ADAMTS2: variants seen among roughly 807,000 people sequenced by gnomAD.
ADAMTS2 encodes the protein ADAM metallopeptidase with thrombospondin type 1 motif 2.
Under a neutral mutation model 123.0 loss-of-function variants are expected in ADAMTS2, and 50 were observed. The observed-to-expected ratio is 0.41, with a 90% CI of 0.32 to 0.51. ADAMTS2 has a LOEUF of 0.51. Among genes scored for constraint, ADAMTS2 ranks in the 20% least tolerant of loss-of-function variants. The pLI is 0.35. For synonymous variants in ADAMTS2, 678 were observed against 695.4 expected, an observed-to-expected ratio of 0.98 and a Z score of 0.39; for missense variants, 1,494 against 1,705.2, an observed-to-expected ratio of 0.88 and a Z score of 2.18.
At chr5:179,320,604 C>T (rs1181304634) in intron 2 of ADAMTS2, among the ~76,000 whole-genome samples, 2 of 152,040 alleles carry the variant, frequency 1.3e-5, no homozygotes, top group Non-Finnish European at 2.9e-5. Flanking sequence ...AGGCATGAGC[C>T]ACTGTTCCTG....
At chr5:179,186,520 T>A (rs1253555825) in intron 4 of ADAMTS2, among the ~76,000 whole-genome samples, 1 of 152,130 alleles carries the variant, frequency 6.6e-6, no homozygotes, top group Non-Finnish European at 1.5e-5. Context: ...CTACCTGCTT[T>A]TCAGGAGGCT....
At chr5:179,144,113 AT>A (rs1763215940) in intron 10 of ADAMTS2, among the ~76,000 whole-genome samples, 1 of 152,222 alleles carries the variant, frequency 6.6e-6, no homozygotes, top group Non-Finnish European at 1.5e-5. Flanking sequence ...ATACAAAAAA[AT>A]CAACTGCATT....
intron 8 of ADAMTS2, 47 bp from the exon 9 acceptor site, chr5:179,153,670 C>CA: frequency 6.4e-7 from 1 of 1,571,824 alleles, no homozygotes; most frequent in Non-Finnish European, 8.6e-7. Flanking sequence ...CGCGGCTGAC[C>CA]ATCCACAGCC....
At chr5:179,210,525 A>G (rs1179991632) in intron 3 of ADAMTS2, among the ~76,000 whole-genome samples, 1 of 152,260 alleles carries the variant, frequency 6.6e-6, no homozygotes. Context: ...TATGTTCTAG[A>G]GCATCCCTCC....
At chr5:179,171,253 C>T (rs886398978) in intron 5 of ADAMTS2, among the ~76,000 whole-genome samples, 2 of 152,156 alleles carry the variant, frequency 1.3e-5, no homozygotes, top group Non-Finnish European at 2.9e-5. Context: ...TGGCCTCTCC[C>T]CTGGCCACCT....
In ADAMTS2 at chr5:179,170,266, G is replaced by GGGGGAGCGGCAGGT. The variant is rs1387915565; in HGVS notation, c.975+10792_975+10805dup. On this transcript the variant is annotated intron_variant, in intron 5 of 21. Transcript: ENST00000251582. The surrounding 1 kb of genome is among the most constrained non-coding windows in gnomAD (Gnocchi z 4.3). ...TGGTGAGGCCTGGGGGACAGGCAATGGGGGAGCGGCAGGTGGGGAGCTGGT... is the reference window on the plus strand; with the variant it reads ...TGGTGAGGCCTGGGGGACAGGCAATGGGGGAGCGGCAGGTGGGGAGCGGCAGGTGGGGAGCTGGT... Among the ~76,000 whole-genome samples the GGGGGAGCGGCAGGT allele has an allele frequency of 1.0e-3, 155 of 152,248 alleles. No individual in the cohort carries two copies. The highest frequency in any genetic ancestry group is 3.6e-3 in the African/African-American group (148 of 41,544).
At chr5:179,114,436 A>G (rs1762626014) in intron 21 of ADAMTS2, 112 bp from the exon 22 acceptor site, 19 of 1,087,916 alleles carry the variant, frequency 1.7e-5, no homozygotes, top group Non-Finnish European at 2.6e-5. Context: ...GAGACAGCAC[A>G]GAGGCAAGTG....
At position 179,162,706 on chromosome 5, in the gene ADAMTS2, G is replaced by A. The variant is rs563736858; in HGVS notation, c.976-3827C>T. Among the ~76,000 whole-genome samples, 1 of 152,354 alleles carries A rather than the reference G, an allele frequency of 6.6e-6. No homozygotes were observed. Among genetic ancestry groups the A allele is most frequent in the Non-Finnish European group, 1.5e-5 (1 of 68,036 alleles). On this transcript the variant is annotated intron_variant, in intron 5 of 21. Coordinates refer to ENST00000251582, the MANE Select transcript of ADAMTS2 (RefSeq NM_014244.5). The surrounding 1 kb of genome is among the most constrained non-coding windows in gnomAD (Gnocchi z 5.1). ...GAATCTCAGTCCCGCCTACCGCAGG[G>A]CATGGACATTAAGAGACTGGGTCAC...
chr5:179,268,872 G>C (rs1216974820), intron 3 of ADAMTS2, among the ~76,000 whole-genome samples: 1 of 152,222 alleles, frequency 6.6e-6, no homozygotes, highest in African/African-American at 2.4e-5. Flanking sequence ...AGCCTTGTAC[G>C]TGAGGGCCAT....
intron 3 of ADAMTS2, among the ~76,000 whole-genome samples, chr5:179,229,012 T>TACCTCCAGCTGTGCACCTCGGTCAGGC (rs1474721612): frequency 8.5e-5 from 13 of 152,056 alleles, no homozygotes; most frequent in African/African-American, 1.4e-4. Flanking sequence ...CCAGCAAAGC[T>TACCTCCAGCTGTGCACCTCGGTCAGGC]ACCTCCAGCT....
intron 6 of ADAMTS2, among the ~76,000 whole-genome samples, chr5:179,157,338 A>G (rs1473798711): frequency 1.3e-5 from 2 of 152,134 alleles, no homozygotes; most frequent in Non-Finnish European, 2.9e-5. Context: ...GCTCCCCATT[A>G]GTGCCCTCCC....
rs535998178 is a variant in ADAMTS2 at position 179,175,205 on chromosome 5, G to A, written c.975+5867C>T. On this transcript the variant is annotated intron_variant, in intron 5 of 21. Coordinates refer to ENST00000251582, the MANE Select transcript of ADAMTS2 (RefSeq NM_014244.5). This position sits in a 1 kb window ranked among gnomAD's most constrained non-coding sequence, Gnocchi z 4.1. ...TCTTGACCGTCCATGTTGCTTTGGA[G>A]GAAGTCTCTTCCTTGCTTGGGTTCC... Among the ~76,000 whole-genome samples the A allele has an allele frequency of 6.6e-6, 1 of 151,396 alleles. No homozygotes were observed. The highest frequency in any genetic ancestry group is 2.4e-5 in the African/African-American group (1 of 41,174).
chr5:179,294,792 T>C (rs1219209241), intron 2 of ADAMTS2, among the ~76,000 whole-genome samples: 1 of 152,238 alleles, frequency 6.6e-6, no homozygotes, highest in East Asian at 1.9e-4. Flanking sequence ...TGTCAACATT[T>C]TCCCTGAAAA....
rs1762901696 is a variant in ADAMTS2, at chr5:179,128,552, C to T, written c.2458-434G>A. 1.3e-5 allele frequency among the ~76,000 whole-genome samples: 2 copies of T among 152,072 alleles called. No individual in the cohort carries two copies. Among genetic ancestry groups the T allele is most frequent in the Admixed American group, 1.3e-4 (2 of 15,270 alleles). On this transcript the variant is annotated intron_variant, in intron 16 of 21. Transcript: ENST00000251582. This position sits in a 1 kb window ranked among gnomAD's most constrained non-coding sequence, Gnocchi z 4.9. ...GGATTACAGGCGCCCGCCACCACGC[C>T]TGGCTAATTTTTGTATTTTTAGTAG... is the stretch of plus-strand genomic sequence containing the variant.
chr5:179,344,891 C>T (rs1214496200), intron 1 of ADAMTS2, among the ~76,000 whole-genome samples: 1 of 152,134 alleles, frequency 6.6e-6, no homozygotes, highest in African/African-American at 2.4e-5. Context: ...CCCTCGGACC[C>T]GCTGGGGCTG....
chr5:179,223,513 A>AACGCACTCACACAC, intron 3 of ADAMTS2, among the ~76,000 whole-genome samples: 1 of 57,228 alleles, frequency 1.7e-5, no homozygotes, highest in Non-Finnish European at 3.8e-5. Flanking sequence ...CACTCATACG[A>AACGCACTCACACAC]ATGCACTCAC....
chr5:179,176,303 T>C (rs1267377126), intron 5 of ADAMTS2, among the ~76,000 whole-genome samples: 1 of 152,080 alleles, frequency 6.6e-6, no homozygotes, highest in East Asian at 1.9e-4. Flanking sequence ...GAGGCCTCTC[T>C]CCCAGGCTCC....
At chr5:179,338,497 A>G in intron 2 of ADAMTS2, among the ~76,000 whole-genome samples, 1 of 152,116 alleles carries the variant, frequency 6.6e-6, no homozygotes, top group East Asian at 1.9e-4. Flanking sequence ...CAGCTCACGT[A>G]AGGCAGCAGG....
intron 2 of ADAMTS2, among the ~76,000 whole-genome samples, chr5:179,281,550 C>T (rs901540925): frequency 2.6e-5 from 4 of 152,210 alleles, no homozygotes; most frequent in Non-Finnish European, 5.9e-5. Flanking sequence ...AAATAATACC[C>T]CATCACATGT....
Sources: gnomAD v4.1 joint callset for allele counts (sites outside exome capture counted in the v4.1 genomes callset) on GRCh38, gnomAD v4.1.1 for gene constraint, Gnocchi (gnomAD v3.1) non-coding constraint, MANE v1.5 for transcripts, NCBI Gene and HGNC (gene_info 2026-07-23, HGNC 2026-07-21) for gene names.